The following ARB2A variants were observed in gnomAD, a reference collection of about 807,000 sequenced individuals.
The protein encoded by ARB2A is ARB2 cotranscriptional regulator A, also known as cotranscriptional regulator ARB2A.
chr5:93,848,278 G>C, the ARB2A span, among the ~76,000 whole-genome samples: 1 of 152,032 alleles, frequency 6.6e-6, no homozygotes, highest in Admixed American at 6.5e-5. Flanking sequence ...AGCTACTCAG[G>C]AGGCTGAGGC....
chr5:93,925,108 T>A, the ARB2A span, among the ~76,000 whole-genome samples: 1 of 152,066 alleles, frequency 6.6e-6, no homozygotes, highest in South Asian at 2.1e-4. Context: ...TTTCCCCCCA[T>A]AGAATAATAC....
At chr5:93,659,072 T>C in the ARB2A span, among the ~76,000 whole-genome samples, 1 of 152,086 alleles carries the variant, frequency 6.6e-6, no homozygotes, top group South Asian at 2.1e-4. Flanking sequence ...ATATTCACTG[T>C]TGTATAAAAC....
chr5:93,845,512 GT>G, the ARB2A span, among the ~76,000 whole-genome samples: 2 of 152,234 alleles, frequency 1.3e-5, no homozygotes, highest in Non-Finnish European at 2.9e-5. Flanking sequence ...AGAAGAGGCA[GT>G]AAAAAACCAA....
the ARB2A span, among the ~76,000 whole-genome samples, chr5:93,647,803 G>C: frequency 6.6e-6 from 1 of 152,160 alleles, no homozygotes; most frequent in African/African-American, 2.4e-5. Context: ...GGATCACAGG[G>C]ATGAACCACT....
the ARB2A span, among the ~76,000 whole-genome samples, chr5:93,919,529 T>C: frequency 0.025 from 3,737 of 152,230 alleles, 64 homozygotes; most frequent in Non-Finnish European, 0.034. Context: ...AAGATGAAAA[T>C]TGGAGAGCAC....
the ARB2A span, among the ~76,000 whole-genome samples, chr5:94,027,864 G>C: frequency 8.5e-5 from 13 of 152,170 alleles, no homozygotes; most frequent in Non-Finnish European, 1.5e-4. Context: ...CTAGTGGGAA[G>C]GAAGGGGTGA....
At chr5:93,846,421 G>C in the ARB2A span, among the ~76,000 whole-genome samples, 1 of 151,908 alleles carries the variant, frequency 6.6e-6, no homozygotes, top group Non-Finnish European at 1.5e-5. Context: ...AGAATTGCTT[G>C]AGCCCAGGAA....
chr5:93,696,896 T>C, the ARB2A span, among the ~76,000 whole-genome samples: 1 of 151,970 alleles, frequency 6.6e-6, no homozygotes, highest in Non-Finnish European at 1.5e-5. Flanking sequence ...ACCCTATCAC[T>C]ACTAAAAATA....
At chr5:93,951,087 T>C in the ARB2A span, among the ~76,000 whole-genome samples, 3 of 152,204 alleles carry the variant, frequency 2.0e-5, no homozygotes, top group Non-Finnish European at 4.4e-5. Context: ...TCAACGACGT[T>C]GGGCACCTTA....
At chr5:93,982,841 G>T in the ARB2A span, among the ~76,000 whole-genome samples, 1 of 152,190 alleles carries the variant, frequency 6.6e-6, no homozygotes, top group African/African-American at 2.4e-5. Flanking sequence ...GATCACCTGA[G>T]TTCAGGAATT....
At chr5:93,805,825 C>A in the ARB2A span, 1 of 985,066 alleles carries the variant, frequency 1.0e-6, no homozygotes, top group Non-Finnish European at 1.2e-6. Flanking sequence ...CCTGTTGCAC[C>A]ATACACTTGT....
At chr5:94,093,557 A>G in the ARB2A span, among the ~76,000 whole-genome samples, 9 of 152,188 alleles carry the variant, frequency 5.9e-5, no homozygotes, top group Non-Finnish European at 1.5e-5. Context: ...TCCTTACTCC[A>G]AATACAGTTA....
the ARB2A span, among the ~76,000 whole-genome samples, chr5:94,101,579 T>A: frequency 6.6e-6 from 1 of 152,206 alleles, no homozygotes; most frequent in East Asian, 1.9e-4. Flanking sequence ...GAAAATGTGG[T>A]AAATACACAC....
the ARB2A span, among the ~76,000 whole-genome samples, chr5:93,874,277 C>T: frequency 2.0e-5 from 3 of 152,138 alleles, no homozygotes; most frequent in Non-Finnish European, 2.9e-5. Flanking sequence ...TTATTCATAA[C>T]AATCCCCTGA....
the ARB2A span, among the ~76,000 whole-genome samples, chr5:93,859,443 T>C: frequency 7.9e-5 from 12 of 152,222 alleles, no homozygotes; most frequent in Admixed American, 3.9e-4. Flanking sequence ...AATATATTTG[T>C]ATCACCTAGG....
chr5:93,988,199 A>T, the ARB2A span, among the ~76,000 whole-genome samples: 1,729 of 152,252 alleles, frequency 0.011, 37 homozygotes, highest in African/African-American at 0.039. Flanking sequence ...ACTGTATCTA[A>T]CAGTGTCCTT....
At chr5:93,889,254 T>G in the ARB2A span, among the ~76,000 whole-genome samples, 7 of 151,872 alleles carry the variant, frequency 4.6e-5, no homozygotes, top group African/African-American at 1.7e-4. Flanking sequence ...TCTGTAACAA[T>G]GAAAATGTAA....
the ARB2A span, chr5:93,620,576 G>C: frequency 6.2e-6 from 1 of 160,266 alleles, no homozygotes; most frequent in African/African-American, 2.4e-5. Context: ...AGTTGAGAGC[G>C]GGGAAAGATG....
the ARB2A span, among the ~76,000 whole-genome samples, chr5:94,064,233 C>A: frequency 6.6e-6 from 1 of 152,032 alleles, no homozygotes; most frequent in Non-Finnish European, 1.5e-5. Flanking sequence ...GCTTCAATAA[C>A]AGGCTAGATC....
Sources: allele counts gnomAD v4.1 joint callset (sites outside exome capture counted in the v4.1 genomes callset), GRCh38; gene constraint gnomAD v4.1.1; transcripts MANE v1.5; gene names NCBI Gene and HGNC (gene_info 2026-07-23, HGNC 2026-07-21).